The following BBX variants were observed in gnomAD, a reference collection of about 807,000 sequenced individuals.
BBX encodes BBX high mobility group box domain containing.
A neutral mutation model predicts 100.2 loss-of-function variants in BBX; 30 were observed. That is an observed-to-expected ratio of 0.30 (90% CI 0.22 to 0.41). BBX has a LOEUF of 0.41. BBX is among the 10% of genes least tolerant of loss of function. BBX has a pLI of 1.00. For synonymous variants in BBX, 376 were observed against 388.1 expected (o/e 0.97, Z 0.37); for missense variants, 1,023 against 1,129.8 (o/e 0.91, Z 1.35).
Position 107,801,096 on chromosome 3 carries a change from T to C in BBX, c.2553T>C (p.Asp851=), listed in dbSNP as rs2070407261. The change falls in exon 17 of 18, where the codon GAT becomes GAC. Residue 851 remains aspartate (D), a splice_region_variant and synonymous_variant. Transcript: ENST00000325805. ...GRVSPAGGTL[D]DKPKEQLQRS... The stretch of plus-strand genomic sequence containing the variant: ...TGATGGATTTCTCTTTTGTTACAGA[T>C]GACAAACCAAAGGAACAACTGCAGA... 3 of 1,613,730 alleles carry C rather than the reference T, an allele frequency of 1.9e-6. No homozygotes were observed. Among genetic ancestry groups the C allele is most frequent in the African/African-American group, 1.3e-5 (1 of 74,922 alleles).
chr3:107,615,383 T>C (rs950340663), intron 2 of BBX, among the ~76,000 whole-genome samples: 2 of 152,146 alleles, frequency 1.3e-5, no homozygotes, highest in African/African-American at 4.8e-5. Flanking sequence ...CAGAAATTAA[T>C]TTCTCATACT....
At chr3:107,781,227 G>C (rs1404698536) in intron 13 of BBX, among the ~76,000 whole-genome samples, 1 of 151,828 alleles carries the variant, frequency 6.6e-6, no homozygotes, top group Non-Finnish European at 1.5e-5. Flanking sequence ...TATTTCTAAG[G>C]AGTCTCTTCC....
Position 107,773,763 on chromosome 3 carries a change from C to T in BBX, c.1915+127C>T, listed in dbSNP as rs1372702862. The T allele has an allele frequency of 1.9e-5, 16 of 856,792 alleles. No homozygotes were observed. Among genetic ancestry groups the T allele is most frequent in the East Asian group, 2.7e-5 (1 of 36,526 alleles). 53.1% of individuals were successfully genotyped at this position (856,792 alleles called of 1,614,324 possible). A position where few individuals can be genotyped will look rare whatever the true frequency, so the allele number is the denominator to read the frequency against. ...AATAATACCTTACATTTGTATATTT[C>T]TTTATGGTTTATAGATCATAATTAT... On this transcript the variant is annotated intron_variant, in intron 11 of 17. Coordinates refer to ENST00000325805, the MANE Select transcript of BBX (RefSeq NM_001142568.3). This position sits in a 1 kb window ranked among gnomAD's most constrained non-coding sequence, Gnocchi z 4.1.
chr3:107,589,199 T>G (rs1227213086), intron 2 of BBX, among the ~76,000 whole-genome samples: 1 of 152,222 alleles, frequency 6.6e-6, no homozygotes, highest in Non-Finnish European at 1.5e-5. Flanking sequence ...TACTTGAGCT[T>G]GTTATTTACA....
In BBX at chr3:107,773,740, T is replaced by G; in HGVS notation, c.1915+104T>G. On this transcript the variant is annotated intron_variant, in intron 11 of 17. Transcript: ENST00000325805. This position sits in a 1 kb window ranked among gnomAD's most constrained non-coding sequence, Gnocchi z 4.1. ...CATAAAAAACAATATGGTATCAAAA[T>G]AATACCTTACATTTGTATATTTCTT... is the stretch of plus-strand genomic sequence containing the variant. The G allele has an allele frequency of 1.0e-6, 1 of 985,322 alleles. No individual in the cohort carries two copies. The highest frequency in any genetic ancestry group is 1.8e-5 in the South Asian group (1 of 54,996). 61.0% of individuals were successfully genotyped at this position (985,322 alleles called of 1,614,324 possible).
intron 3 of BBX, among the ~76,000 whole-genome samples, chr3:107,666,399 G>C (rs1215615420): frequency 6.6e-6 from 1 of 152,094 alleles, no homozygotes; most frequent in Non-Finnish European, 1.5e-5. Context: ...TTCCATTTAA[G>C]TCTTGCAACT....
intron 2 of BBX, among the ~76,000 whole-genome samples, chr3:107,562,139 G>A (rs543843718): frequency 1.1e-4 from 16 of 149,948 alleles, no homozygotes; most frequent in African/African-American, 3.6e-4. Flanking sequence ...CAAACATGTA[G>A]ATCTGGATTC....
intron 3 of BBX, among the ~76,000 whole-genome samples, chr3:107,687,865 G>T (rs1269211387): frequency 6.6e-6 from 1 of 152,030 alleles, no homozygotes; most frequent in African/African-American, 2.4e-5. Context: ...GACCAGCTTG[G>T]CCAACATGGC....
At chr3:107,804,944 ATG>A (rs1175438088) in intron 17 of BBX, among the ~76,000 whole-genome samples, 1 of 152,164 alleles carries the variant, frequency 6.6e-6, no homozygotes, top group Non-Finnish European at 1.5e-5. Context: ...AAGAAAAGGA[ATG>A]TGTCATTTTT....
intron 3 of BBX, among the ~76,000 whole-genome samples, chr3:107,695,663 G>A (rs2060535756): frequency 6.6e-6 from 1 of 151,706 alleles, no homozygotes; most frequent in South Asian, 2.1e-4. Context: ...TGAAAAAAAT[G>A]TGTATTCTGT....
intron 13 of BBX, among the ~76,000 whole-genome samples, chr3:107,781,814 T>C (rs1161103206): frequency 6.6e-6 from 1 of 152,128 alleles, no homozygotes; most frequent in Non-Finnish European, 1.5e-5. Context: ...ATCCTTCTTA[T>C]ATTTTTTCAA....
chr3:107,591,667 T>G (rs2053324695), intron 2 of BBX, among the ~76,000 whole-genome samples: 1 of 152,212 alleles, frequency 6.6e-6, no homozygotes, highest in Admixed American at 6.5e-5. Flanking sequence ...TTTGTATTTT[T>G]TGTACAGATG....
intron 7 of BBX, among the ~76,000 whole-genome samples, chr3:107,737,304 CAGAGAG>C (rs10575069): frequency 3.8e-3 from 541 of 140,844 alleles, no homozygotes; most frequent in Non-Finnish European, 3.9e-3. Context: ...TACATACACA[CAGAGAG>C]AGAGAGAGAG....
chr3:107,688,403 T>G (rs1483215179), intron 3 of BBX, among the ~76,000 whole-genome samples: 1 of 152,224 alleles, frequency 6.6e-6, no homozygotes, highest in Non-Finnish European at 1.5e-5. Flanking sequence ...TGGCAAAGTT[T>G]GCAGTGGCAG....
chr3:107,618,012 AT>A (rs1297575754), intron 2 of BBX, among the ~76,000 whole-genome samples: 1 of 151,880 alleles, frequency 6.6e-6, no homozygotes, highest in Non-Finnish European at 1.5e-5. Flanking sequence ...GCTGTAGGTT[AT>A]TTTTAGATGC....
chr3:107,558,727 T>C (rs1425616853), intron 2 of BBX, among the ~76,000 whole-genome samples: 1 of 152,106 alleles, frequency 6.6e-6, no homozygotes, highest in Non-Finnish European at 1.5e-5. Flanking sequence ...TACAGGAAGT[T>C]ATTTAACTAG....
chr3:107,677,752 G>A (rs1178917794), intron 3 of BBX, among the ~76,000 whole-genome samples: 4 of 152,112 alleles, frequency 2.6e-5, no homozygotes, highest in Admixed American at 6.6e-5. Flanking sequence ...TAAGTTACTT[G>A]TAAGTTGAGA....
intron 3 of BBX, among the ~76,000 whole-genome samples, chr3:107,648,858 A>G (rs950962467): frequency 2.0e-5 from 3 of 152,362 alleles, no homozygotes; most frequent in Admixed American, 6.5e-5. Context: ...TAAAGATCCA[A>G]TAGTATATAA....
chr3:107,769,645 G>C (rs9839514), intron 10 of BBX, among the ~76,000 whole-genome samples: 2 of 150,506 alleles, frequency 1.3e-5, no homozygotes, highest in African/African-American at 4.9e-5. Context: ...TTCGAGTATC[G>C]TATCTGTCGT....
Sources: gnomAD v4.1 joint callset for allele counts (sites outside exome capture counted in the v4.1 genomes callset) on GRCh38, gnomAD v4.1.1 for gene constraint, Gnocchi (gnomAD v3.1) non-coding constraint, MANE v1.5 for transcripts, NCBI Gene and HGNC (gene_info 2026-07-23, HGNC 2026-07-21) for gene names.